The following ANK1 variants were observed in gnomAD, a reference collection of about 807,000 sequenced individuals.
ANK1 encodes ankyrin-1.
Under a neutral mutation model 210.4 loss-of-function variants are expected in ANK1, and 51 were observed. The observed-to-expected ratio is 0.24, with a 90% CI of 0.19 to 0.31. The LOEUF (loss-of-function observed/expected upper bound fraction) is 0.31. Among genes scored for constraint, ANK1 ranks in the 10% least tolerant of loss-of-function variants. The pLI is 1.00. For missense variants in ANK1, 2,051 were observed against 2,504.4 expected (o/e 0.82, Z 3.86); for synonymous variants, 967 against 1,025.9 (o/e 0.94, Z 1.10).
intron 37 of ANK1, among the ~76,000 whole-genome samples, chr8:41,680,777 C>A (rs768535568): frequency 1.3e-5 from 2 of 152,158 alleles, no homozygotes; most frequent in African/African-American, 4.8e-5. Context: ...TATGAAGCTG[C>A]AGCAATACTT....
intron 3 of ANK1, among the ~76,000 whole-genome samples, chr8:41,733,697 C>G (rs1183566162): frequency 1.3e-5 from 2 of 152,066 alleles, no homozygotes; most frequent in East Asian, 1.9e-4. Context: ...ACACTGAGTT[C>G]GAGTCAAGGA....
chr8:41,692,204 G>A (rs1029837596), intron 31 of ANK1, among the ~76,000 whole-genome samples: 15 of 152,060 alleles, frequency 9.9e-5, no homozygotes, highest in African/African-American at 2.4e-4. Context: ...TTACAGGCAC[G>A]TGCCATCATG....
chr8:41,865,216 A>G (rs1814158065), intron 1 of ANK1, among the ~76,000 whole-genome samples: 1 of 152,084 alleles, frequency 6.6e-6, no homozygotes, highest in African/African-American at 2.4e-5. Flanking sequence ...CTGAGGAGGG[A>G]CTTGAAACAA....
chr8:41,788,885 TC>T (rs1273753746), intron 1 of ANK1: 7 of 152,152 alleles, frequency 4.6e-5, no homozygotes, highest in African/African-American at 1.7e-4. Context: ...TCAAACCAGC[TC>T]CTCTCTATCT....
chr8:41,687,950 T>C (rs910401025), intron 35 of ANK1, among the ~76,000 whole-genome samples: 6 of 152,152 alleles, frequency 3.9e-5, no homozygotes, highest in African/African-American at 1.4e-4. Context: ...GAAAGGAAAG[T>C]CAGACAGAGA....
At chr8:41,662,497 G>A (rs993446327) in intron 40 of ANK1, among the ~76,000 whole-genome samples, 12 of 152,202 alleles carry the variant, frequency 7.9e-5, no homozygotes, top group Non-Finnish European at 1.0e-4. Context: ...CCTCCCCCTC[G>A]AGCCCACAGC....
At chr8:41,864,328 A>G (rs1390251948) in intron 1 of ANK1, among the ~76,000 whole-genome samples, 2 of 151,562 alleles carry the variant, frequency 1.3e-5, no homozygotes, top group Non-Finnish European at 2.9e-5. Flanking sequence ...ATTGGGTTAT[A>G]TGTGAAAACT....
chr8:41,696,394 C>T lies in ANK1; in HGVS notation c.2929G>A (p.Ala977Thr). ...AACTGTGCCCCCGTGGGCCCCAGTG[C>T]TATGATCCTGCTGGCCAGGCCCTCC... Reference protein sequence around the residue: ...EEEGLASRIIALGPTGAQFLS... With the variant: ...EEEGLASRIITLGPTGAQFLS... The change falls in exon 26 of 43, where the codon GCA becomes ACA. Residue 977 changes from alanine (A) to threonine (T), a missense_variant. Ala to Thr is a moderately conservative substitution (Grantham distance 58, BLOSUM62 0). Coordinates refer to ENST00000289734, the MANE Select transcript of ANK1 (RefSeq NM_000037.4). 6.2e-7 allele frequency: 1 copy of T among 1,613,390 alleles called. No homozygotes were observed. The highest frequency in any genetic ancestry group is 1.1e-5 in the South Asian group (1 of 91,078).
intron 2 of ANK1, among the ~76,000 whole-genome samples, chr8:41,747,439 GT>G (rs910859898): frequency 6.6e-6 from 1 of 152,166 alleles, no homozygotes; most frequent in Non-Finnish European, 1.5e-5. Context: ...TCTTGGCCAT[GT>G]TCCACGGACC....
intron 1 of ANK1, among the ~76,000 whole-genome samples, chr8:41,759,791 T>G (rs1840005061): frequency 6.6e-6 from 1 of 152,160 alleles, no homozygotes; most frequent in Non-Finnish European, 1.5e-5. Context: ...GATAAGCATT[T>G]TATCCTCATT....
chr8:41,748,744 T>G (rs755792427), intron 2 of ANK1, among the ~76,000 whole-genome samples: 3 of 152,186 alleles, frequency 2.0e-5, no homozygotes, highest in Non-Finnish European at 4.4e-5. Flanking sequence ...AAAAAATATT[T>G]GTTGAATGAA....
rs570911945 is a variant in ANK1 at position 41,727,193 on chromosome 8, C to A, written c.426+57G>T. ...CATCCCAGGTAGGTGTCACCTGAAG[C>A]AAGGTTGTACACCTGGGAGACTTCT... On this transcript the variant is annotated intron_variant, in intron 5 of 42. Transcript: ENST00000289734. 265 of 1,405,236 alleles carry A rather than the reference C, an allele frequency of 1.9e-4. 3 individuals are homozygous for A. The South Asian group carries it at 2.9e-3, about 16-fold the overall frequency. 87.0% of individuals were successfully genotyped at this position (1,405,236 alleles called of 1,614,324 possible). A position where few individuals can be genotyped will look rare whatever the true frequency, so the allele number is the denominator to read the frequency against.
chr8:41,843,035 A>G (rs1358346694), intron 1 of ANK1, among the ~76,000 whole-genome samples: 1 of 152,062 alleles, frequency 6.6e-6, no homozygotes, highest in African/African-American at 2.4e-5. Context: ...TTTAATAGAG[A>G]CAGAGTTTCA....
At position 41,797,579 on chromosome 8, in the gene ANK1, C is replaced by A. The variant is rs762630153; in HGVS notation, c.-41G>T. 1.2e-6 allele frequency: 2 copies of A among 1,611,820 alleles called. No individual in the cohort carries two copies. The highest frequency in any genetic ancestry group is 1.7e-6 in the Non-Finnish European group (2 of 1,179,402). ...GGGGCCCGCCGAAGGGCCTTGGGGG[C>A]TTGAGGAGGAGCAGCTGGGGCTGGC... On this transcript the variant is annotated 5_prime_UTR_variant, in exon 1 of 43. Coordinates refer to ENST00000289734, the MANE Select transcript of ANK1 (RefSeq NM_000037.4). This position sits in a 1 kb window ranked among gnomAD's most constrained non-coding sequence, Gnocchi z 4.0.
intron 1 of ANK1, among the ~76,000 whole-genome samples, chr8:41,860,642 T>C (rs1336478417): frequency 6.6e-6 from 1 of 152,206 alleles, no homozygotes; most frequent in Admixed American, 6.5e-5. Flanking sequence ...GGAGGATGAA[T>C]ACAGGCAAGT....
intron 36 of ANK1, among the ~76,000 whole-genome samples, chr8:41,685,533 C>T (rs964217021): frequency 2.6e-5 from 4 of 152,200 alleles, no homozygotes; most frequent in African/African-American, 7.2e-5. Context: ...AGACTGTGTC[C>T]TGAGAGGACA....
rs141375465 is a variant in ANK1 at position 41,865,059 on chromosome 8, G to T, written c.126+31296C>A. Among the ~76,000 whole-genome samples, 263 of 152,282 alleles carry T rather than the reference G, an allele frequency of 1.7e-3. 1 individual carries two copies. The highest frequency in any genetic ancestry group is 6.2e-3 in the African/African-American group (256 of 41,562). On this transcript the variant is annotated intron_variant, in intron 1 of 42. Coordinates refer to the ANK1 transcript ENST00000265709. ...CCCCCATTCCTACCAGTCGCAAGGT[G>T]GTAGGGTCTGCGAGCATCCAGTGTG...
chr8:41,850,170 C>G (rs1332384207), intron 1 of ANK1, among the ~76,000 whole-genome samples: 1 of 152,140 alleles, frequency 6.6e-6, no homozygotes, highest in African/African-American at 2.4e-5. Flanking sequence ...GAAACTGAGG[C>G]TTGGTGGGGG....
chr8:41,672,033 T>C (rs564895652), intron 38 of ANK1, among the ~76,000 whole-genome samples: 9 of 113,582 alleles, frequency 7.9e-5, no homozygotes, highest in African/African-American at 1.0e-4. Flanking sequence ...CCCTCATGTC[T>C]CTAAGTGAGC....
Sources: allele counts gnomAD v4.1 joint callset (sites outside exome capture counted in the v4.1 genomes callset), GRCh38; gene constraint gnomAD v4.1.1; non-coding constraint Gnocchi (gnomAD v3.1); transcripts MANE v1.5; gene names NCBI Gene and HGNC (gene_info 2026-07-23, HGNC 2026-07-21).